Variants in ASIC2 observed in about 807,000 individuals in gnomAD.
ASIC2 encodes acid sensing ion channel subunit 2.
ASIC2 carries 25 observed loss-of-function variants against 57.3 expected under a neutral mutation model. The observed-to-expected ratio is 0.44, with a 90% CI of 0.32 to 0.61. ASIC2 has a LOEUF of 0.61. Among genes scored for constraint, ASIC2 ranks in the 20% least tolerant of loss-of-function variants. The probability of loss-of-function intolerance (pLI) is 0.06; values close to 1 mark genes in which losing one functional copy is unlikely to be tolerated. For missense variants in ASIC2, 641 were observed against 738.1 expected, an observed-to-expected ratio of 0.87 and a Z score of 1.52; for synonymous variants, 319 against 307.5, an observed-to-expected ratio of 1.04 and a Z score of -0.39.
chr17:34,117,022 A>G (rs1342053365), intron 1 of ASIC2, among the ~76,000 whole-genome samples: 1 of 151,680 alleles, frequency 6.6e-6, no homozygotes, highest in Non-Finnish European at 1.5e-5. Context: ...CTGGCAGAGA[A>G]TATGCACCTG....
intron 1 of ASIC2, among the ~76,000 whole-genome samples, chr17:33,915,471 C>G (rs1359883301): frequency 6.6e-6 from 1 of 152,186 alleles, no homozygotes; most frequent in Non-Finnish European, 1.5e-5. Context: ...GCCTTGGGGT[C>G]CTCTTCTCAG....
intron 1 of ASIC2, among the ~76,000 whole-genome samples, chr17:34,057,729 A>C (rs1039040881): frequency 1.3e-5 from 2 of 152,182 alleles, no homozygotes; most frequent in African/African-American, 2.4e-5. Flanking sequence ...GTGCTTGGCA[A>C]TAGAAACTAA....
intron 1 of ASIC2, among the ~76,000 whole-genome samples, chr17:33,646,381 C>G (rs1377192556): frequency 6.6e-6 from 1 of 152,136 alleles, no homozygotes; most frequent in Admixed American, 6.5e-5. Context: ...ACTGATTGGC[C>G]AGATCCCAAG....
At chr17:33,440,929 T>C (rs904799777) in intron 1 of ASIC2, among the ~76,000 whole-genome samples, 3 of 152,196 alleles carry the variant, frequency 2.0e-5, no homozygotes, top group Admixed American at 2.0e-4. Context: ...AAATATTTCT[T>C]CCCAGTCTGT....
At chr17:33,516,173 T>G (rs1009845061) in intron 1 of ASIC2, among the ~76,000 whole-genome samples, 11 of 151,606 alleles carry the variant, frequency 7.3e-5, no homozygotes, top group African/African-American at 2.4e-4. Context: ...CAGAGCGCAG[T>G]GTCCAGCTGG....
intron 1 of ASIC2, among the ~76,000 whole-genome samples, chr17:33,960,350 C>T (rs1904879785): frequency 1.3e-5 from 2 of 152,206 alleles, no homozygotes; most frequent in African/African-American, 4.8e-5. Context: ...TGCACCAATA[C>T]ATTTCCTTTC....
Position 33,819,672 on chromosome 17 carries a change from C to T in ASIC2, c.555+336306G>A, listed in dbSNP as rs137946983. Among the ~76,000 whole-genome samples, 307 of 152,264 alleles carry T rather than the reference C, an allele frequency of 2.0e-3. 1 individual carries two copies. Among genetic ancestry groups the T allele is most frequent in the African/African-American group, 7.2e-3 (300 of 41,546 alleles). On this transcript the variant is annotated intron_variant, in intron 1 of 9. Transcript: ENST00000359872. ...GACCTTGGCCATGCCAGAGGATCTC[C>T]GGCAGAGTTGCAACAGTGCATCAGT... is the stretch of plus-strand genomic sequence containing the variant.
intron 1 of ASIC2, among the ~76,000 whole-genome samples, chr17:33,514,380 C>T (rs1183275767): frequency 6.6e-6 from 1 of 152,144 alleles, no homozygotes; most frequent in Non-Finnish European, 1.5e-5. Context: ...TCCCCATCCT[C>T]TCTTCCACAC....
intron 1 of ASIC2, among the ~76,000 whole-genome samples, chr17:33,600,186 A>C (rs550766549): frequency 6.6e-6 from 1 of 152,292 alleles, no homozygotes; most frequent in South Asian, 2.1e-4. Context: ...CTATTATTTG[A>C]ATGTGTCCCC....
intron 2 of ASIC2, among the ~76,000 whole-genome samples, chr17:33,111,333 T>C (rs1320411113): frequency 6.6e-6 from 1 of 152,192 alleles, no homozygotes; most frequent in African/African-American, 2.4e-5. Flanking sequence ...ATAGTATACA[T>C]GGTTTACGAA....
intron 1 of ASIC2, among the ~76,000 whole-genome samples, chr17:33,805,246 T>C (rs1912236582): frequency 6.6e-6 from 1 of 152,208 alleles, no homozygotes; most frequent in Non-Finnish European, 1.5e-5. Flanking sequence ...GATTTTGACT[T>C]TGCCCAGGAA....
intron 1 of ASIC2, among the ~76,000 whole-genome samples, chr17:33,481,150 A>C (rs145346075): frequency 6.6e-6 from 1 of 152,292 alleles, no homozygotes; most frequent in African/African-American, 2.4e-5. Flanking sequence ...CTGGTGCCTG[A>C]GTTGCTGAGG....
intron 1 of ASIC2, among the ~76,000 whole-genome samples, chr17:33,493,855 G>T (rs1913842373): frequency 6.6e-6 from 1 of 152,202 alleles, no homozygotes; most frequent in South Asian, 2.1e-4. Flanking sequence ...CTCCAGGATT[G>T]GGTTTACCCA....
chr17:33,106,934 A>T (rs972535369), intron 2 of ASIC2, among the ~76,000 whole-genome samples: 2 of 152,152 alleles, frequency 1.3e-5, no homozygotes. Context: ...GAGGAGTGAG[A>T]GATCTGAGGA....
Position 33,329,244 on chromosome 17 carries a change from G to A in ASIC2, c.556-217177C>T, listed in dbSNP as rs1208634252. On this transcript the variant is annotated intron_variant, in intron 1 of 9. Coordinates refer to the ASIC2 transcript ENST00000359872. ...TCAGCATTCTCAACTGTGAAATGGG[G>A]GTATTAGGGTTCACTTTGAAGGATA... Among the ~76,000 whole-genome samples, 5 of 152,130 alleles carry A rather than the reference G, an allele frequency of 3.3e-5. No homozygotes were observed. In the East Asian group the frequency reaches 9.6e-4, roughly 29 times the overall value.
chr17:33,683,523 C>T (rs1338593797), intron 1 of ASIC2, among the ~76,000 whole-genome samples: 1 of 152,208 alleles, frequency 6.6e-6, no homozygotes, highest in Non-Finnish European at 1.5e-5. Flanking sequence ...AGGCACATGC[C>T]ATCATGCCCA....
chr17:33,545,133 G>A (rs950112096), intron 1 of ASIC2, among the ~76,000 whole-genome samples: 5 of 152,104 alleles, frequency 3.3e-5, no homozygotes, highest in African/African-American at 1.2e-4. Context: ...CTTAAAGATA[G>A]CCCTACTCCA....
intron 3 of ASIC2, among the ~76,000 whole-genome samples, chr17:33,036,498 A>G (rs2091909058): frequency 6.6e-6 from 1 of 152,114 alleles, no homozygotes; most frequent in African/African-American, 2.4e-5. Flanking sequence ...TGCCATGATC[A>G]TAGCTCACTG....
At chr17:33,116,433 G>A (rs2092281316) in intron 1 of ASIC2, among the ~76,000 whole-genome samples, 1 of 152,176 alleles carries the variant, frequency 6.6e-6, no homozygotes, top group Non-Finnish European at 1.5e-5. Context: ...AGACTGTCAG[G>A]TTGAGCTCAC....
Sources: gnomAD v4.1 joint callset for allele counts (sites outside exome capture counted in the v4.1 genomes callset) on GRCh38, gnomAD v4.1.1 for gene constraint, MANE v1.5 for transcripts, NCBI Gene and HGNC (gene_info 2026-07-23, HGNC 2026-07-21) for gene names.